Variants in OGDH observed in about 807,000 individuals in gnomAD.
The protein encoded by OGDH is 2-oxoglutarate dehydrogenase complex component E1.
Under a neutral mutation model 116.6 loss-of-function variants are expected in OGDH, and 38 were observed. The observed-to-expected ratio is 0.33, with a 90% CI of 0.25 to 0.43. The LOEUF is 0.43. Ranked by LOEUF, OGDH falls within the 20% of genes least tolerant of loss-of-function variation. The pLI is 1.00. For synonymous variants in OGDH, 488 were observed against 533.3 expected, an observed-to-expected ratio of 0.92 and a Z score of 1.17; for missense variants, 825 against 1,357.2, an observed-to-expected ratio of 0.61 and a Z score of 6.16.
At chr7:44,674,352 CCT>C (rs1342739585) in intron 6 of OGDH, 57 bp from the exon 7 acceptor site, 2 of 1,607,756 alleles carry the variant, frequency 1.2e-6, no homozygotes, top group South Asian at 2.2e-5. Context: ...GCCAGAATCC[CCT>C]CTTTTTGGTC....
intron 9 of OGDH, among the ~76,000 whole-genome samples, chr7:44,677,749 C>G (rs1787762069): frequency 6.6e-6 from 1 of 152,036 alleles, no homozygotes; most frequent in Non-Finnish European, 1.5e-5. Context: ...TGGCACACGC[C>G]TGTAGTCTCA....
At chr7:44,633,937 A>G (rs755271800) in intron 2 of OGDH, among the ~76,000 whole-genome samples, 3 of 152,234 alleles carry the variant, frequency 2.0e-5, no homozygotes, top group African/African-American at 7.2e-5. Flanking sequence ...AAGGGGTCAC[A>G]GTATCTTGGA....
intron 10 of OGDH, among the ~76,000 whole-genome samples, chr7:44,688,140 G>A (rs1347855426): frequency 6.6e-6 from 1 of 152,072 alleles, no homozygotes; most frequent in African/African-American, 2.4e-5. Context: ...GGAGGCCGAG[G>A]CAGGTGGATC....
intron 19 of OGDH, among the ~76,000 whole-genome samples, chr7:44,700,910 G>C (rs2116391969): frequency 6.6e-6 from 1 of 152,328 alleles, no homozygotes; most frequent in South Asian, 2.1e-4. Context: ...CAGCTACTTA[G>C]GAGGCTGAGG....
intron 5 of OGDH, among the ~76,000 whole-genome samples, chr7:44,668,987 C>T (rs1472453331): frequency 6.6e-6 from 1 of 151,984 alleles, no homozygotes; most frequent in Non-Finnish European, 1.5e-5. Flanking sequence ...CTCCAAGTGG[C>T]CCTACCCCCA....
chr7:44,645,912 C>T (rs1369942995), intron 3 of OGDH, among the ~76,000 whole-genome samples: 1 of 152,150 alleles, frequency 6.6e-6, no homozygotes, highest in East Asian at 1.9e-4. Flanking sequence ...CAGTTGCTAA[C>T]AACTGAATAC....
intron 18 of OGDH, among the ~76,000 whole-genome samples, chr7:44,699,887 A>G (rs1788752366): frequency 6.6e-6 from 1 of 151,958 alleles, no homozygotes; most frequent in African/African-American, 2.4e-5. Flanking sequence ...AGAGTGGGGG[A>G]GAGGGGCCAC....
At chr7:44,702,821 C>A (rs12670950) in intron 20 of OGDH, among the ~76,000 whole-genome samples, 6,292 of 152,236 alleles carry the variant, frequency 0.041, 155 homozygotes, top group Middle Eastern at 0.099. Context: ...TGGTGTCAAT[C>A]TCCTGACCTC....
intron 2 of OGDH, among the ~76,000 whole-genome samples, chr7:44,641,741 T>C (rs2115732390): frequency 6.6e-6 from 1 of 152,340 alleles, no homozygotes; most frequent in South Asian, 2.1e-4. Context: ...CCAATGCATG[T>C]GGTCCCCAGT....
At chr7:44,654,369 C>A (rs1786591845) in intron 4 of OGDH, among the ~76,000 whole-genome samples, 1 of 152,184 alleles carries the variant, frequency 6.6e-6, no homozygotes, top group African/African-American at 2.4e-5. Flanking sequence ...TTAGTTCTTG[C>A]CTTTCTCTGA....
At chr7:44,608,692 G>A (rs1784448928) in intron 1 of OGDH, among the ~76,000 whole-genome samples, 1 of 151,884 alleles carries the variant, frequency 6.6e-6, no homozygotes. Flanking sequence ...CGGCACTACA[G>A]CCTGAGCGAC....
rs959663121 is a variant in OGDH at position 44,701,462 on chromosome 7, G to T, written c.2560-81G>T. The T allele has an allele frequency of 2.1e-5, 26 of 1,261,212 alleles. No individual in the cohort carries two copies. In the African/African-American group the frequency reaches 3.4e-4, roughly 16 times the overall value. 78.1% of individuals were successfully genotyped at this position (1,261,212 alleles called of 1,614,324 possible). A position where few individuals can be genotyped will look rare whatever the true frequency, so the allele number is the denominator to read the frequency against. ...TGTGTTTCATGGCCTGAAGGTCAAG[G>T]CTTGGGTAGCCTTGCTTTTGACCTT... On this transcript the variant is annotated intron_variant, in intron 19 of 22. Transcript: ENST00000222673.
intron 4 of OGDH, chr7:44,656,430 T>C (rs980443333): frequency 7.1e-7 from 1 of 1,403,880 alleles, no homozygotes; most frequent in African/African-American, 1.4e-5. Context: ...TGTGCAACTT[T>C]TCCTAGCATG....
rs780024202 is a variant in OGDH, at chr7:44,698,301, G to A, written c.2430+38G>A. The A allele has an allele frequency of 3.7e-6, 6 of 1,607,526 alleles. No individual in the cohort carries two copies. In the Admixed American group the frequency reaches 1.0e-4, roughly 27 times the overall value. ...GGCCCTGTCAGCCCAGCCATTCTCG[G>A]GGTGTCTGGTGGGAAACCTGGGGAA... On this transcript the variant is annotated intron_variant, in intron 18 of 22. Transcript: ENST00000222673.
chr7:44,708,308 C>T lies in OGDH; in HGVS notation c.*309C>T, dbSNP rs1377385695. ...AGGGGTCAGCTCTGGCCACAATCCTCCCCACCAGTCTCACCCACTAGGATA... is the reference window on the plus strand; with the variant it reads ...AGGGGTCAGCTCTGGCCACAATCCTTCCCACCAGTCTCACCCACTAGGATA... On this transcript the variant is annotated 3_prime_UTR_variant, in exon 23 of 23. Transcript: ENST00000222673. 6.6e-6 allele frequency: 2 copies of T among 301,844 alleles called. No homozygotes were observed. The highest frequency in any genetic ancestry group is 9.6e-5 in the Admixed American group (2 of 20,874). 18.7% of individuals were successfully genotyped at this position (301,844 alleles called of 1,614,324 possible).
chr7:44,694,503 A>G lies in OGDH; in HGVS notation c.1595A>G (p.Lys532Arg), dbSNP rs142010155. 1.7e-4 allele frequency: 272 copies of G among 1,613,912 alleles called. No homozygotes were observed. Among genetic ancestry groups the G allele is most frequent in the Non-Finnish European group, 2.1e-4 (246 of 1,180,016 alleles). ...TQPLMYKQIR[K>R]QKPVLQKYAE... ...CCGCTCATGTACAAGCAGATCCGCA[A>G]GCAGAAGCCTGTGTTACAGAAGTAC... is the stretch of plus-strand genomic sequence containing the variant. Residue 532 changes from lysine to arginine, a missense_variant, in exon 12 of 23, where the codon AAG becomes AGG. Around this residue, in one of 7 missense-constraint regions of OGDH, gnomAD observed 146 missense variants for 317.3 expected, o/e 0.46. Transcript: ENST00000222673. The surrounding 1 kb of genome is among the most constrained non-coding windows in gnomAD (Gnocchi z 4.2).
intron 5 of OGDH, among the ~76,000 whole-genome samples, chr7:44,668,720 A>C (rs1787294600): frequency 6.6e-6 from 1 of 152,214 alleles, no homozygotes; most frequent in Admixed American, 6.5e-5. Context: ...CACCACACTG[A>C]CTATAGTTTC....
In OGDH at chr7:44,681,865, T is replaced by C; in HGVS notation, c.1335+17T>C. The C allele has an allele frequency of 6.2e-7, 1 of 1,613,820 alleles. No homozygotes were observed. Among genetic ancestry groups the C allele is most frequent in the South Asian group, 1.1e-5 (1 of 91,040 alleles). On this transcript the variant is annotated intron_variant, in intron 10 of 22. Transcript: ENST00000222673. ...AACAACCAGGTACCTCACACCAGCC[T>C]GCGGCTTTGCTGCTCACATCAGTCT...
intron 4 of OGDH, among the ~76,000 whole-genome samples, chr7:44,661,144 T>C (rs1197896244): frequency 1.3e-5 from 2 of 152,244 alleles, no homozygotes; most frequent in African/African-American, 2.4e-5. Flanking sequence ...CTTTGGTGTA[T>C]ACACATTTCA....
Sources: gnomAD v4.1 joint callset for allele counts (sites outside exome capture counted in the v4.1 genomes callset) on GRCh38, gnomAD v4.1.1 for gene constraint, gnomAD v4.1.1 regional missense constraint, Gnocchi (gnomAD v3.1) non-coding constraint, MANE v1.5 for transcripts, NCBI Gene and HGNC (gene_info 2026-07-23, HGNC 2026-07-21) for gene names.